DGKD: variants seen among roughly 807,000 people sequenced by gnomAD.
The protein encoded by DGKD is diacylglycerol kinase delta, also known as DAG kinase delta.
DGKD carries 68 observed loss-of-function variants against 154.4 expected under a neutral mutation model. The observed-to-expected ratio is 0.44, with a 90% confidence interval of 0.36 to 0.54. DGKD has a LOEUF of 0.54. DGKD is among the 20% of genes least tolerant of loss of function. The pLI, the probability that DGKD is intolerant of heterozygous loss-of-function variation, is 0.00. For synonymous variants in DGKD, 693 were observed against 638.0 expected, an observed-to-expected ratio of 1.09 and a Z score of -1.30; for missense variants, 1,343 against 1,593.6, an observed-to-expected ratio of 0.84 and a Z score of 2.68.
intron 1 of DGKD, among the ~76,000 whole-genome samples, chr2:233,356,461 C>G (rs1264603763): frequency 6.6e-6 from 1 of 152,150 alleles, no homozygotes; most frequent in Non-Finnish European, 1.5e-5. Flanking sequence ...TTGCTTTCTC[C>G]TGTTGCCCAG....
intron 24 of DGKD, among the ~76,000 whole-genome samples, chr2:233,461,920 C>T (rs1044042647): frequency 2.0e-5 from 3 of 152,250 alleles, no homozygotes; most frequent in Non-Finnish European, 4.4e-5. Context: ...CATCACTGCA[C>T]CAGGATTGTC....
chr2:233,436,404 G>T lies in DGKD; in HGVS notation c.782G>T (p.Arg261Leu). The part of the protein sequence containing the change: ...VCDKTCGSVL[R>L]LQDWRCLWCK... The stretch of plus-strand genomic sequence containing the variant: ...GACAAGACCTGTGGCAGTGTGCTGC[G>T]CCTGCAGGACTGGCGCTGCCTCTGG... The change falls in exon 7 of 30, where the codon CGC (arginine) becomes CTC (leucine). Residue 261 changes from arginine (R) to leucine (L), a missense_variant. Transcript: ENST00000264057. The T allele has an allele frequency of 6.2e-7, 1 of 1,613,992 alleles. No homozygotes were observed. Among genetic ancestry groups the T allele is most frequent in the Non-Finnish European group, 8.5e-7 (1 of 1,180,030 alleles).
At chr2:233,468,306 G>A in intron 28 of DGKD, 117 bp from the exon 29 acceptor site, 1 of 1,301,620 alleles carries the variant, frequency 7.7e-7, no homozygotes, top group Non-Finnish European at 1.1e-6. Context: ...TCGGGTGCTG[G>A]CTGTTGGGAC....
intron 3 of DGKD, among the ~76,000 whole-genome samples, chr2:233,424,669 G>A (rs544877158): frequency 3.3e-5 from 5 of 152,292 alleles, no homozygotes; most frequent in South Asian, 4.1e-4. Context: ...CCAGGGCTCC[G>A]CCTGGAGCCC....
chr2:233,450,014 C>A lies in DGKD; in HGVS notation c.1921C>A (p.Gln641Lys). 1 of 1,612,110 alleles carries A rather than the reference C, an allele frequency of 6.2e-7. No individual in the cohort carries two copies. Among genetic ancestry groups the A allele is most frequent in the South Asian group, 1.1e-5 (1 of 90,900 alleles). ...VDEQNAQTQE[Q>K]EGFVLGLSES... The stretch of plus-strand genomic sequence containing the variant: ...TGAGCAGAATGCCCAGACCCAGGAG[C>A]AGGAGGGCTTCGTCCTGGGCCTCTC... The change falls in exon 16 of 30, where the codon CAG (glutamine) becomes AAG (lysine). Residue 641 changes from glutamine to lysine, a missense_variant. By Grantham distance (53) the Gln-to-Lys change is moderately conservative (BLOSUM62 1). Coordinates refer to ENST00000264057, the MANE Select transcript of DGKD (RefSeq NM_152879.3).
In DGKD at chr2:233,469,641, C is replaced by T. The variant is rs1454217533; in HGVS notation, c.*181C>T. The T allele has an allele frequency of 5.0e-6, 3 of 602,998 alleles. No individual in the cohort carries two copies. In the African/African-American group the frequency reaches 5.6e-5, roughly 11 times the overall value. The allele number at this position is 602,998 out of a possible 1,614,324, so 37.4% of individuals were successfully genotyped here. On this transcript the variant is annotated 3_prime_UTR_variant, in exon 30 of 30. Transcript: ENST00000264057. ...AGAAAGCCTCCGTGACACCGTCCAC[C>T]AGAGCTCTGGGGTCTCGAACATAAC...
chr2:233,450,851 G>T, intron 16 of DGKD, 71 bp from the exon 17 acceptor site: 1 of 1,544,602 alleles, frequency 6.5e-7, no homozygotes, highest in South Asian at 1.2e-5. Flanking sequence ...TGCTCGTGTC[G>T]CTAAGGACCC....
chr2:233,446,106 G>C (rs2063060920), intron 11 of DGKD, among the ~76,000 whole-genome samples: 1 of 152,186 alleles, frequency 6.6e-6, no homozygotes, highest in Non-Finnish European at 1.5e-5. Context: ...TCGTTTACTT[G>C]AACAGTTTCA....
intron 3 of DGKD, among the ~76,000 whole-genome samples, chr2:233,403,934 C>T (rs1165407276): frequency 1.3e-5 from 2 of 152,094 alleles, no homozygotes; most frequent in Admixed American, 1.3e-4. Context: ...GCCACTGCGC[C>T]CTTCCTCCCT....
At chr2:233,419,243 CTT>C (rs2125539421) in intron 3 of DGKD, 1 of 985,742 alleles carries the variant, frequency 1.0e-6, no homozygotes, top group South Asian at 4.7e-5. Context: ...CTTTGCCCCT[CTT>C]TTGGTTGGTG....
chr2:233,462,372 C>A lies in DGKD; in HGVS notation c.3006C>A (p.His1002Gln), dbSNP rs866650983. ...GTATCCGAGAAATAGCTCAGTCTCA[C>A]CGGGACATGGAGCAGGAACTGGCCC... ...IHSIREIAQSHRDMEQELAHA... is the reference protein window; with the variant it reads ...IHSIREIAQSQRDMEQELAHA... The change falls in exon 25 of 30, where the codon CAC becomes CAA. Residue 1002 changes from histidine to glutamine, a missense_variant. Physicochemically the swap from His to Gln is conservative, Grantham distance 24. Coordinates refer to ENST00000264057, the MANE Select transcript of DGKD (RefSeq NM_152879.3). The A allele has an allele frequency of 8.1e-6, 13 of 1,602,806 alleles. No individual in the cohort carries two copies. The African/African-American group carries it at 1.3e-4, about 16-fold the overall frequency.
chr2:233,417,405 A>G (rs1033458537), intron 3 of DGKD, among the ~76,000 whole-genome samples: 1 of 152,212 alleles, frequency 6.6e-6, no homozygotes, highest in African/African-American at 2.4e-5. Context: ...TTGTTCATTT[A>G]AAAACATTTA....
chr2:233,428,867 GT>G (rs10628027), intron 3 of DGKD, among the ~76,000 whole-genome samples: 6 of 145,426 alleles, frequency 4.1e-5, no homozygotes, highest in African/African-American at 1.5e-4. Context: ...CAAATAAGAG[GT>G]TTTTTTTTGT....
Position 233,376,703 on chromosome 2 carries a change from C to T in DGKD, c.157-11554C>T, listed in dbSNP as rs963746537. Among the ~76,000 whole-genome samples the T allele has an allele frequency of 2.6e-5, 4 of 152,208 alleles. No homozygotes were observed. The South Asian group carries it at 8.3e-4, about 32-fold the overall frequency. The stretch of plus-strand genomic sequence containing the variant: ...TCACAAGGACAGAAAAACCAAACAC[C>T]GCATGTTCTCACTCATAGGTGGGAA... On this transcript the variant is annotated intron_variant, in intron 1 of 29. Coordinates refer to ENST00000264057, the MANE Select transcript of DGKD (RefSeq NM_152879.3).
rs374022658 is a variant in DGKD at position 233,457,348 on chromosome 2, G to A, written c.2580+20G>A. 4.5e-5 allele frequency: 70 copies of A among 1,546,300 alleles called. No individual in the cohort carries two copies. Among genetic ancestry groups the A allele is most frequent in the East Asian group, 4.5e-4 (20 of 44,494 alleles). On this transcript the variant is annotated intron_variant, in intron 21 of 29. Transcript: ENST00000264057. The surrounding 1 kb of genome is among the most constrained non-coding windows in gnomAD (Gnocchi z 5.5). ...GATGATGTATGTATGGGGTGTGAGC[G>A]GGTGGGCCTGAGCTCAGTGGGGAAG...
rs368362654 is a variant in DGKD, at chr2:233,447,178, G to A, written c.1419+382G>A. ...CTGGAATGCTCTAGCCGGCTCTGCCGCGGCTCTCCCCTAGCCCCCCGGCTC... is the reference window on the plus strand; with the variant it reads ...CTGGAATGCTCTAGCCGGCTCTGCCACGGCTCTCCCCTAGCCCCCCGGCTC... On this transcript the variant is annotated intron_variant, in intron 12 of 29. Transcript: ENST00000264057. Among the ~76,000 whole-genome samples, 7 of 117,372 alleles carry A rather than the reference G, an allele frequency of 6.0e-5. No homozygotes were observed. In the East Asian group the frequency reaches 1.3e-3, roughly 22 times the overall value. 77.0% of individuals were successfully genotyped at this position (117,372 alleles called of 152,430 possible). A position where few individuals can be genotyped will look rare whatever the true frequency, so the allele number is the denominator to read the frequency against.
chr2:233,390,489 AT>A lies in DGKD; in HGVS notation c.348+8del. The A allele has an allele frequency of 6.2e-7, 1 of 1,612,000 alleles. No individual in the cohort carries two copies. The highest frequency in any genetic ancestry group is 1.7e-4 in the Middle Eastern group (1 of 6,054). Reference sequence around the variant, plus strand: ...ACGTCAACAACAGTTTTACGGTAAGATTCCTCAGTCATGCCTTTCTTGATTC... The same window carrying A: ...ACGTCAACAACAGTTTTACGGTAAGATCCTCAGTCATGCCTTTCTTGATTC... On this transcript the variant is annotated splice_region_variant and intron_variant, in intron 3 of 29. Coordinates refer to ENST00000264057, the MANE Select transcript of DGKD (RefSeq NM_152879.3).
intron 3 of DGKD, among the ~76,000 whole-genome samples, chr2:233,413,544 C>T (rs2061882859): frequency 6.6e-6 from 1 of 152,120 alleles, no homozygotes; most frequent in Non-Finnish European, 1.5e-5. Flanking sequence ...GCTTGTTGAT[C>T]TGTTTTCATC....
intron 3 of DGKD, among the ~76,000 whole-genome samples, chr2:233,418,120 A>G (rs1000859971): frequency 7.9e-5 from 12 of 152,212 alleles, no homozygotes; most frequent in African/African-American, 2.7e-4. Flanking sequence ...CTTCATGAAC[A>G]TCTTTCTGTG....
Sources: gnomAD v4.1 joint callset for allele counts (sites outside exome capture counted in the v4.1 genomes callset) on GRCh38, gnomAD v4.1.1 for gene constraint, Gnocchi (gnomAD v3.1) non-coding constraint, MANE v1.5 for transcripts, NCBI Gene and HGNC (gene_info 2026-07-23, HGNC 2026-07-21) for gene names.